The following SLC39A10 variants were observed in gnomAD, a reference collection of about 807,000 sequenced individuals.
SLC39A10 encodes solute carrier family 39 member 10, also known as zinc transporter ZIP10.
In SLC39A10, 13 loss-of-function variants were observed where a neutral mutation model predicts 65.1. That is an observed-to-expected ratio of 0.20 (90% CI 0.13 to 0.32). The LOEUF is 0.32. Ranked by LOEUF, SLC39A10 falls within the 10% of genes least tolerant of loss-of-function variation. The probability of loss-of-function intolerance (pLI) is 1.00; values close to 1 mark genes in which losing one functional copy is unlikely to be tolerated. For synonymous variants in SLC39A10, 321 were observed against 342.2 expected (o/e 0.94, Z 0.68); for missense variants, 831 against 1,018.4 (o/e 0.82, Z 2.50).
At chr2:195,655,395 A>G (rs1689125028), upstream of SLC39A10, among the ~76,000 whole-genome samples, 1 of 152,250 alleles carries the variant, frequency 6.6e-6, no homozygotes, top group Non-Finnish European at 1.5e-5. Flanking sequence ...AAGGACTGCA[A>G]GCGCTATATC....
At position 195,716,954 on chromosome 2, in the gene SLC39A10, A is replaced by T; in HGVS notation, c.2014A>T (p.Met672Leu). 1 of 1,614,174 alleles carries T rather than the reference A, an allele frequency of 6.2e-7. No individual in the cohort carries two copies. The highest frequency in any genetic ancestry group is 2.2e-5 in the East Asian group (1 of 44,884). The change falls in exon 7 of 10, where the codon ATG becomes TTG. Residue 672 changes from methionine to leucine, a missense_variant. Around this residue, in one of 4 missense-constraint regions of SLC39A10, gnomAD observed 120 missense variants for 203.9 expected, o/e 0.59. Coordinates refer to ENST00000359634, the MANE Select transcript of SLC39A10 (RefSeq NM_020342.3). Reference sequence around the variant, plus strand: ...AACAGGAATAGCTAATATAGCCTGGATGGTGATCATGGGGGATGGCATCCA... The same window carrying T: ...AACAGGAATAGCTAATATAGCCTGGTTGGTGATCATGGGGGATGGCATCCA... Reference protein sequence around the residue: ...KETGIANIAWMVIMGDGIHNF... With the variant: ...KETGIANIAWLVIMGDGIHNF...
intron 2 of SLC39A10, among the ~76,000 whole-genome samples, chr2:195,632,738 G>T (rs1688614970): frequency 7.0e-6 from 1 of 143,130 alleles, no homozygotes; most frequent in African/African-American, 2.6e-5. Context: ...GTGATGAAAA[G>T]ATAGCACTTA....
chr2:195,730,246 A>G (rs1030259249), intron 9 of SLC39A10, among the ~76,000 whole-genome samples: 1 of 151,780 alleles, frequency 6.6e-6, no homozygotes, highest in African/African-American at 2.4e-5. Flanking sequence ...TCCAGTCTTC[A>G]TTTTTCTTGT....
intron 6 of SLC39A10, among the ~76,000 whole-genome samples, chr2:195,715,708 AG>A (rs1691782990): frequency 6.6e-6 from 1 of 152,202 alleles, no homozygotes; most frequent in Non-Finnish European, 1.5e-5. Context: ...TTTATGAAAT[AG>A]AAGTTCTCAA....
At chr2:195,639,006 A>G (rs1000198366) in intron 2 of SLC39A10, among the ~76,000 whole-genome samples, 1 of 150,482 alleles carries the variant, frequency 6.6e-6, no homozygotes, top group Non-Finnish European at 1.5e-5. Flanking sequence ...CCCCGGCTGG[A>G]GTGCAGTGGA....
upstream of SLC39A10, among the ~76,000 whole-genome samples, chr2:195,653,073 A>G (rs1167187506): frequency 2.0e-5 from 3 of 152,160 alleles, no homozygotes; most frequent in African/African-American, 7.2e-5. Flanking sequence ...TCTGGTGCCA[A>G]AAAAAGTTGG....
Position 195,737,449 on chromosome 2 carries a change from TGC to T in SLC39A10, c.*2409_*2410del, listed in dbSNP as rs1692684982. On this transcript the variant is annotated 3_prime_UTR_variant, in exon 10 of 10. Transcript: ENST00000359634. ...GCTTAGAAATACTATAGTAACTAGA[TGC>T]AGTGTGAATTTTTTCCATTAACAAA... 6.1e-6 allele frequency: 1 copy of T among 162,796 alleles called. No homozygotes were observed. Among genetic ancestry groups the T allele is most frequent in the African/African-American group, 2.4e-5 (1 of 41,452 alleles). The allele number at this position is 162,796 out of a possible 1,614,324, so 10.1% of individuals were successfully genotyped here. A position where few individuals can be genotyped will look rare whatever the true frequency, so the allele number is the denominator to read the frequency against.
At chr2:195,667,898 G>A (rs77425413) in intron 1 of SLC39A10, among the ~76,000 whole-genome samples, 5,481 of 152,198 alleles carry the variant, frequency 0.036, 141 homozygotes, top group Non-Finnish European at 0.057. Flanking sequence ...AATAATGTAG[G>A]AAAATTAACA....
At chr2:195,727,613 TTG>T (rs1433342636) in intron 8 of SLC39A10, among the ~76,000 whole-genome samples, 1 of 152,194 alleles carries the variant, frequency 6.6e-6, no homozygotes, top group Non-Finnish European at 1.5e-5. Context: ...CCATTTCCCT[TTG>T]AAGAAAGGGT....
intron 2 of SLC39A10, among the ~76,000 whole-genome samples, chr2:195,635,905 G>A (rs1376311853): frequency 6.6e-6 from 1 of 152,128 alleles, no homozygotes; most frequent in Non-Finnish European, 1.5e-5. Flanking sequence ...ATGATGAAAT[G>A]TATTTGAAAG....
chr2:195,620,658 TA>T (rs539708471), intron 2 of SLC39A10, among the ~76,000 whole-genome samples: 1 of 152,018 alleles, frequency 6.6e-6, no homozygotes, highest in South Asian at 2.1e-4. Flanking sequence ...AATACTGCCA[TA>T]AAATCCCCAC....
chr2:195,724,568 T>C (rs1316704458), intron 8 of SLC39A10, among the ~76,000 whole-genome samples: 1 of 152,100 alleles, frequency 6.6e-6, no homozygotes, highest in African/African-American at 2.4e-5. Context: ...AAAATAAAAT[T>C]TTTAAAAGGA....
At chr2:195,646,242 A>G (rs1688911413) in intron 2 of SLC39A10, among the ~76,000 whole-genome samples, 3 of 152,164 alleles carry the variant, frequency 2.0e-5, no homozygotes, top group Admixed American at 6.6e-5. Context: ...CAGCACACTC[A>G]ACAATTCTTT....
chr2:195,725,561 A>G (rs769430923), intron 8 of SLC39A10, among the ~76,000 whole-genome samples: 9 of 152,158 alleles, frequency 5.9e-5, no homozygotes, highest in Non-Finnish European at 8.8e-5. Context: ...TTTCTTATAA[A>G]ATTAGAAATA....
rs183402027 is a variant in SLC39A10, at chr2:195,631,211, T to G, written c.-12+24978T>G. ...AAATATATCTATATATCTATATATA[T>G]AGAGATATATATATCAGCTTTATGA... On this transcript the variant is annotated intron_variant, in intron 2 of 2. Coordinates refer to the SLC39A10 transcript ENST00000458054. 2.9e-3 allele frequency among the ~76,000 whole-genome samples: 442 copies of G among 151,736 alleles called. 3 individuals carry two copies. The highest frequency in any genetic ancestry group is 5.5e-3 in the African/African-American group (229 of 41,412).
chr2:195,677,171 A>T (rs1489752386), intron 1 of SLC39A10, among the ~76,000 whole-genome samples: 1 of 152,192 alleles, frequency 6.6e-6, no homozygotes, highest in East Asian at 1.9e-4. Context: ...TTACATAACT[A>T]CTACTGATAT....
At chr2:195,705,747 ACT>A (rs1422449249) in intron 3 of SLC39A10, among the ~76,000 whole-genome samples, 1 of 152,208 alleles carries the variant, frequency 6.6e-6, no homozygotes, top group Non-Finnish European at 1.5e-5. Flanking sequence ...AATTTTAAAA[ACT>A]AATAACATTT....
At chr2:195,692,049 GTTTCATT>G (rs1690763419) in intron 3 of SLC39A10, among the ~76,000 whole-genome samples, 2 of 152,172 alleles carry the variant, frequency 1.3e-5, no homozygotes, top group African/African-American at 4.8e-5. Context: ...TGAGGATCCA[GTTTCATT>G]CTTCTACATA....
intron 2 of SLC39A10, among the ~76,000 whole-genome samples, chr2:195,641,394 A>G (rs1688808250): frequency 6.6e-6 from 1 of 152,238 alleles, no homozygotes; most frequent in South Asian, 2.1e-4. Flanking sequence ...TTGTTCAATA[A>G]CAGTGTAATG....
Sources: gnomAD v4.1 joint callset for allele counts (sites outside exome capture counted in the v4.1 genomes callset) on GRCh38, gnomAD v4.1.1 for gene constraint, gnomAD v4.1.1 regional missense constraint, MANE v1.5 for transcripts, NCBI Gene and HGNC (gene_info 2026-07-23, HGNC 2026-07-21) for gene names.